Variants in ATRNL1 observed in about 807,000 individuals in gnomAD.
The protein encoded by ATRNL1 is attractin-like protein 1.
A neutral mutation model predicts 182.7 loss-of-function variants in ATRNL1; 95 were observed. The ratio of observed to expected loss-of-function variants is 0.52; its 90% CI spans 0.44 to 0.62. ATRNL1 has a LOEUF of 0.62. Ranked by LOEUF, ATRNL1 falls within the 20% of genes least tolerant of loss-of-function variation. The pLI is 0.00. For synonymous variants in ATRNL1, 576 were observed against 568.3 expected, an observed-to-expected ratio of 1.01 and a Z score of -0.19; for missense variants, 1,471 against 1,679.5, an observed-to-expected ratio of 0.88 and a Z score of 2.17.
chr10:115,772,593 C>CTGTGTGTGTGTGTG (rs71475107), intron 27 of ATRNL1, among the ~76,000 whole-genome samples: 1,685 of 125,570 alleles, frequency 0.013, 35 homozygotes, highest in East Asian at 0.084. Context: ...AATATATACT[C>CTGTGTGTGTGTGTG]TGTCTGTGTG....
At chr10:115,664,450 A>G (rs1239655426) in intron 26 of ATRNL1, among the ~76,000 whole-genome samples, 6 of 152,314 alleles carry the variant, frequency 3.9e-5, no homozygotes, top group Admixed American at 3.9e-4. Context: ...TTTGCTATGA[A>G]TAATATATAT....
intron 17 of ATRNL1, among the ~76,000 whole-genome samples, chr10:115,312,063 C>T (rs1024505473): frequency 6.6e-6 from 1 of 151,976 alleles, no homozygotes; most frequent in East Asian, 1.9e-4. Flanking sequence ...TCCATTCTAC[C>T]AGTCTATGTC....
At chr10:115,537,164 G>A (rs782439553) in intron 25 of ATRNL1, among the ~76,000 whole-genome samples, 2 of 152,138 alleles carry the variant, frequency 1.3e-5, no homozygotes, top group Non-Finnish European at 2.9e-5. Context: ...AATATTTAAT[G>A]CGGTGGGAGT....
At chr10:115,737,239 A>G (rs557009519) in intron 27 of ATRNL1, among the ~76,000 whole-genome samples, 45 of 149,072 alleles carry the variant, frequency 3.0e-4, no homozygotes, top group African/African-American at 1.1e-3. Flanking sequence ...CCACCTGAGC[A>G]ACATGGCAAA....
chr10:115,102,344 T>C (rs1554864770), intron 1 of ATRNL1, among the ~76,000 whole-genome samples: 1 of 152,206 alleles, frequency 6.6e-6, no homozygotes, highest in Non-Finnish European at 1.5e-5. Flanking sequence ...TTTTTGACTC[T>C]TTTCTGTTCC....
In ATRNL1 at chr10:115,661,366, T is replaced by C. The variant is rs1356505325; in HGVS notation, c.3796-65882T>C. On this transcript the variant is annotated intron_variant, in intron 26 of 28. Transcript: ENST00000355044. The stretch of plus-strand genomic sequence containing the variant: ...GAATTAGTACTAAGTGCCATTTAAG[T>C]GTTCTCCTGATATATACTAAATGAA... 2.0e-5 allele frequency among the ~76,000 whole-genome samples: 3 copies of C among 152,290 alleles called. No individual in the cohort carries two copies. In the East Asian group the frequency reaches 5.8e-4, roughly 29 times the overall value.
At chr10:115,448,449 G>T (rs1847115061) in intron 21 of ATRNL1, among the ~76,000 whole-genome samples, 1 of 152,132 alleles carries the variant, frequency 6.6e-6, no homozygotes, top group South Asian at 2.1e-4. Flanking sequence ...AATTAAGGGA[G>T]AAATCAAGAA....
intron 28 of ATRNL1, among the ~76,000 whole-genome samples, chr10:115,939,375 G>A (rs1737289335): frequency 6.6e-6 from 1 of 152,090 alleles, no homozygotes; most frequent in Admixed American, 6.6e-5. Context: ...AACAGAGGAT[G>A]GTATGTTCCT....
rs1463761216 is a variant in ATRNL1, at chr10:115,462,045, A to T, written c.3417+10A>T. ...AGCAAACCCAGAACAGGTGAGGAAA[A>T]ATTGTTATCTTTTAAAGTATAATTA... On this transcript the variant is annotated intron_variant, in intron 22 of 28. Transcript: ENST00000355044. The T allele has an allele frequency of 6.3e-7, 1 of 1,576,822 alleles. No individual in the cohort carries two copies. Among genetic ancestry groups the T allele is most frequent in the Non-Finnish European group, 8.6e-7 (1 of 1,156,980 alleles).
chr10:115,919,517 A>G (rs1176657048), intron 28 of ATRNL1, among the ~76,000 whole-genome samples: 1 of 152,106 alleles, frequency 6.6e-6, no homozygotes, highest in Admixed American at 6.6e-5. Context: ...TTTAAAAATC[A>G]CAGTGAATGT....
At chr10:115,803,368 A>G (rs1257371331) in intron 27 of ATRNL1, among the ~76,000 whole-genome samples, 3 of 152,190 alleles carry the variant, frequency 2.0e-5, no homozygotes, top group Non-Finnish European at 4.4e-5. Context: ...TCATGAAAGT[A>G]AAAGGTAAAT....
chr10:115,688,643 C>T (rs1555047122), intron 26 of ATRNL1, among the ~76,000 whole-genome samples: 1 of 152,022 alleles, frequency 6.6e-6, no homozygotes, highest in African/African-American at 2.4e-5. Context: ...GTGTCCTTTT[C>T]TCATGTTTTA....
intron 28 of ATRNL1, among the ~76,000 whole-genome samples, chr10:115,873,417 T>C (rs1951629699): frequency 6.6e-6 from 1 of 152,204 alleles, no homozygotes; most frequent in Admixed American, 6.5e-5. Context: ...AGAAGCTATA[T>C]ACTGTATGAT....
chr10:115,185,132 G>T (rs1847893690), intron 8 of ATRNL1, among the ~76,000 whole-genome samples: 1 of 151,924 alleles, frequency 6.6e-6, no homozygotes, highest in African/African-American at 2.4e-5. Context: ...TGGTTACTTA[G>T]ATAAATAGAT....
At chr10:115,642,906 CTT>C (rs1859344405) in intron 26 of ATRNL1, among the ~76,000 whole-genome samples, 1 of 152,180 alleles carries the variant, frequency 6.6e-6, no homozygotes, top group Non-Finnish European at 1.5e-5. Context: ...ACAGAGGACT[CTT>C]TTGCACCCTC....
At chr10:115,246,039 G>A (rs1850623275) in intron 10 of ATRNL1, among the ~76,000 whole-genome samples, 1 of 152,038 alleles carries the variant, frequency 6.6e-6, no homozygotes, top group Non-Finnish European at 1.5e-5. Context: ...TTTAAAAAGA[G>A]GCCACTAAAT....
At position 115,767,168 on chromosome 10, in the gene ATRNL1, A is replaced by C. The variant is rs146056435; in HGVS notation, c.3903+39813A>C. ...TCAAACTGTTCTCACTCATTTATTT[A>C]TTAAACATGGGCATTGTGTAGCCTT... On this transcript the variant is annotated intron_variant, in intron 27 of 28. Coordinates refer to ENST00000355044, the MANE Select transcript of ATRNL1 (RefSeq NM_207303.4). 6.8e-3 allele frequency among the ~76,000 whole-genome samples: 1,042 copies of C among 152,226 alleles called. 3 individuals are homozygous for C. Among genetic ancestry groups the C allele is most frequent in the Non-Finnish European group, 0.011 (730 of 68,006 alleles).
At chr10:115,577,198 T>C (rs1485857864) in intron 26 of ATRNL1, among the ~76,000 whole-genome samples, 1 of 151,868 alleles carries the variant, frequency 6.6e-6, no homozygotes, top group Non-Finnish European at 1.5e-5. Flanking sequence ...TGAAGATTGT[T>C]GTGGCTATTT....
intron 24 of ATRNL1, among the ~76,000 whole-genome samples, chr10:115,518,336 T>C (rs1165387581): frequency 1.3e-5 from 2 of 152,042 alleles, no homozygotes; most frequent in East Asian, 1.9e-4. Flanking sequence ...AATTCTATTA[T>C]GTTTTTGCAA....
Sources: gnomAD v4.1 joint callset for allele counts (sites outside exome capture counted in the v4.1 genomes callset) on GRCh38, gnomAD v4.1.1 for gene constraint, MANE v1.5 for transcripts, NCBI Gene and HGNC (gene_info 2026-07-23, HGNC 2026-07-21) for gene names.